The following WDR49 variants were observed in gnomAD, a reference collection of about 807,000 sequenced individuals.
WDR49 encodes the protein cilia- and flagella-associated protein 337.
In WDR49, 107 loss-of-function variants were observed where a neutral mutation model predicts 119.5. The ratio of observed to expected loss-of-function variants is 0.90; its 90% CI spans 0.77 to 1.05. The LOEUF is 1.05. WDR49 is among the 50% of genes least tolerant of loss of function. The pLI is 0.00. For missense variants in WDR49, 1,240 were observed against 1,220.5 expected, an observed-to-expected ratio of 1.02 and a Z score of -0.24; for synonymous variants, 425 against 418.8, an observed-to-expected ratio of 1.01 and a Z score of -0.18.
chr3:167,521,774 A>G (rs1161841402), intron 16 of WDR49, among the ~76,000 whole-genome samples: 5 of 152,204 alleles, frequency 3.3e-5, no homozygotes. Flanking sequence ...CCTTAACATG[A>G]GAGCATAAAT....
chr3:167,540,516 C>T (rs150251099), intron 10 of WDR49, among the ~76,000 whole-genome samples: 277 of 152,190 alleles, frequency 1.8e-3, no homozygotes, highest in African/African-American at 6.5e-3. Context: ...CAGCAAGGGA[C>T]CACCCCACCC....
At chr3:167,598,736 G>A (rs1715618390) in intron 7 of WDR49, among the ~76,000 whole-genome samples, 1 of 152,128 alleles carries the variant, frequency 6.6e-6, no homozygotes, top group Admixed American at 6.5e-5. Flanking sequence ...TACATTTTTT[G>A]AGAGGCTTTC....
chr3:167,495,332 T>C (rs1466494999), intron 18 of WDR49, among the ~76,000 whole-genome samples: 1 of 121,438 alleles, frequency 8.2e-6, no homozygotes, highest in African/African-American at 4.2e-5. Flanking sequence ...TCAAGTGGCA[T>C]TCTAAAACTG....
chr3:167,486,456 C>T (rs188203374), intron 18 of WDR49, among the ~76,000 whole-genome samples: 34 of 152,056 alleles, frequency 2.2e-4, no homozygotes, highest in Middle Eastern at 3.4e-3. Flanking sequence ...AGACATAAGG[C>T]GGCATGCTGG....
chr3:167,489,773 A>C (rs575016836), intron 18 of WDR49, among the ~76,000 whole-genome samples: 202 of 152,274 alleles, frequency 1.3e-3, no homozygotes, highest in African/African-American at 4.0e-3. Flanking sequence ...AGGACTTGGC[A>C]GCTATGTAAT....
At chr3:167,636,254 A>G (rs957599923) in intron 2 of WDR49, among the ~76,000 whole-genome samples, 3 of 151,668 alleles carry the variant, frequency 2.0e-5, no homozygotes, top group Non-Finnish European at 4.4e-5. Context: ...TTAGAATAAT[A>G]GTCTCCAGTT....
intron 7 of WDR49, among the ~76,000 whole-genome samples, chr3:167,593,751 G>A (rs1040559575): frequency 1.3e-5 from 2 of 152,002 alleles, no homozygotes; most frequent in Admixed American, 6.6e-5. Context: ...ATCTGATATG[G>A]TTGGCTCTGT....
chr3:167,595,689 C>G (rs1328538529), intron 7 of WDR49, among the ~76,000 whole-genome samples: 2 of 152,094 alleles, frequency 1.3e-5, no homozygotes, highest in Non-Finnish European at 2.9e-5. Flanking sequence ...AAACTGGATC[C>G]CTTCCTTACA....
chr3:167,480,141 C>T (rs542923035), intron 18 of WDR49, among the ~76,000 whole-genome samples: 15 of 147,942 alleles, frequency 1.0e-4, no homozygotes, highest in South Asian at 4.4e-4. Flanking sequence ...GCCAGCTACT[C>T]GGGAGGCTGA....
At chr3:167,501,716 C>G (rs1286980129) in intron 17 of WDR49, among the ~76,000 whole-genome samples, 1 of 152,090 alleles carries the variant, frequency 6.6e-6, no homozygotes, top group African/African-American at 2.4e-5. Context: ...AAGCAATATA[C>G]CTTAGTATAA....
chr3:167,492,041 C>A (rs947256644), intron 18 of WDR49, among the ~76,000 whole-genome samples: 11 of 151,708 alleles, frequency 7.3e-5, no homozygotes, highest in African/African-American at 2.4e-4. Flanking sequence ...AACCTATGCA[C>A]GAGGTAATTA....
intron 11 of WDR49, among the ~76,000 whole-genome samples, chr3:167,535,160 G>A (rs1419617455): frequency 1.3e-5 from 2 of 152,098 alleles, no homozygotes; most frequent in African/African-American, 4.8e-5. Flanking sequence ...AGAGCCGTGA[G>A]GGGAAATCAG....
intron 15 of WDR49, among the ~76,000 whole-genome samples, chr3:167,526,740 G>T (rs973012352): frequency 5.3e-5 from 8 of 152,130 alleles, no homozygotes; most frequent in African/African-American, 1.9e-4. Flanking sequence ...TCCTAAAGGG[G>T]TGCTTAGAAT....
At chr3:167,570,306 CTCTTTTCTCCAATTTTACAA>C (rs1713856238) in intron 8 of WDR49, among the ~76,000 whole-genome samples, 1 of 152,146 alleles carries the variant, frequency 6.6e-6, no homozygotes, top group African/African-American at 2.4e-5. Flanking sequence ...CAAGCCTGTC[CTCTTTTCTCCAATTTTACAA>C]TTACCAAGGG....
chr3:167,569,293 T>C (rs908695379), intron 8 of WDR49, among the ~76,000 whole-genome samples: 4 of 152,190 alleles, frequency 2.6e-5, no homozygotes, highest in Non-Finnish European at 5.9e-5. Context: ...ATCTTTTTGT[T>C]TACATTTCTC....
chr3:167,505,394 T>C lies in WDR49; in HGVS notation c.2797A>G (p.Asn933Asp). 1 of 1,523,524 alleles carries C rather than the reference T, an allele frequency of 6.6e-7. No individual in the cohort carries two copies. Among genetic ancestry groups the C allele is most frequent in the East Asian group, 2.4e-5 (1 of 40,844 alleles). 94.4% of individuals were successfully genotyped at this position (1,523,524 alleles called of 1,614,324 possible). The change falls in exon 17 of 19, where the codon AAT becomes GAT. Residue 933 changes from asparagine (N) to aspartate (D), a missense_variant. Coordinates refer to ENST00000682715, the MANE Select transcript of WDR49 (RefSeq NM_001366157.1). ...CTTTCCTTATATTTTATATCTAAAT[T>C]TATATCTTCTGATGGTCTGACACTG... ...TYNVRPSEDINLDIKYKERST... is the reference protein window; with the variant it reads ...TYNVRPSEDIDLDIKYKERST...
chr3:167,497,161 C>T (rs914858614), intron 18 of WDR49, among the ~76,000 whole-genome samples: 4 of 152,146 alleles, frequency 2.6e-5, no homozygotes, highest in Non-Finnish European at 5.9e-5. Context: ...TTTCATGGAA[C>T]CTCATTGGTG....
rs757116922 is a variant in WDR49 at position 167,554,668 on chromosome 3, G to A, written c.1805C>T (p.Ser602Leu). ...TTTTTACCTTCCTATAGTTTTCCATGAGGCATAATCATACCTCTCCCAGCC... is the reference window on the plus strand; with the variant it reads ...TTTTTACCTTCCTATAGTTTTCCATAAGGCATAATCATACCTCTCCCAGCC... Reference protein sequence around the residue: ...VTGWERYDYASWKTIGRAITV... With the variant: ...VTGWERYDYALWKTIGRAITV... Residue 602 changes from serine to leucine, a missense_variant, in exon 10 of 19, where the codon TCA becomes TTA. Ser to Leu is a moderately radical substitution (Grantham distance 145, BLOSUM62 -2). Transcript: ENST00000682715. 8.4e-6 allele frequency: 13 copies of A among 1,542,416 alleles called. No homozygotes were observed. Among genetic ancestry groups the A allele is most frequent in the African/African-American group, 5.5e-5 (4 of 72,218 alleles).
rs780934100 is a variant in WDR49, at chr3:167,554,720, T to A, written c.1753A>T (p.Ile585Phe). 15 of 1,613,512 alleles carry A rather than the reference T, an allele frequency of 9.3e-6. No homozygotes were observed. The Admixed American group carries it at 1.7e-4, about 18-fold the overall frequency. ...GTAACCAGTATTTTCTTCTTAAGAATGAGGATTTGTGAAATATCCACAGCT... is the reference window on the plus strand; with the variant it reads ...GTAACCAGTATTTTCTTCTTAAGAAAGAGGATTTGTGAAATATCCACAGCT... ...DGAVDISQIL[I>F]LKKKILVTGW... The change falls in exon 10 of 19, where the codon ATT (isoleucine) becomes TTT (phenylalanine). Residue 585 changes from isoleucine to phenylalanine, a missense_variant. Coordinates refer to ENST00000682715, the MANE Select transcript of WDR49 (RefSeq NM_001366157.1).
Sources: allele counts gnomAD v4.1 joint callset (sites outside exome capture counted in the v4.1 genomes callset), GRCh38; gene constraint gnomAD v4.1.1; transcripts MANE v1.5; gene names NCBI Gene and HGNC (gene_info 2026-07-23, HGNC 2026-07-21).